The following SVEP1 variants were observed in gnomAD, a reference collection of about 807,000 sequenced individuals.
SVEP1 encodes sushi, von Willebrand factor type A, EGF and pentraxin domain-containing protein 1.
In SVEP1, 164 loss-of-function variants were observed where a neutral mutation model predicts 367.3. The ratio of observed to expected loss-of-function variants is 0.45; its 90% CI spans 0.39 to 0.51. The LOEUF (loss-of-function observed/expected upper bound fraction) is 0.51. Among genes scored for constraint, SVEP1 ranks in the 20% least tolerant of loss-of-function variants. The pLI, the probability that SVEP1 is intolerant of heterozygous loss-of-function variation, is 0.00. For missense variants in SVEP1, 4,117 were observed against 4,425.3 expected (o/e 0.93, Z 1.98); for synonymous variants, 1,666 against 1,611.6 (o/e 1.03, Z -0.81).
intron 5 of SVEP1, 126 bp downstream of exon 5, chr9:110,512,800 C>T (rs1829740730): frequency 5.4e-6 from 6 of 1,107,854 alleles, no homozygotes; most frequent in East Asian, 2.6e-5. Context: ...TATAATTTTT[C>T]TCTTTCTGTA....
chr9:110,509,189 C>T (rs752067527), intron 5 of SVEP1, among the ~76,000 whole-genome samples: 8 of 152,172 alleles, frequency 5.3e-5, no homozygotes, highest in Non-Finnish European at 1.2e-4. Context: ...GGGTTTGCTG[C>T]AACTGATTTT....
chr9:110,463,292 CAG>C (rs1326775349), intron 18 of SVEP1, among the ~76,000 whole-genome samples: 1 of 152,022 alleles, frequency 6.6e-6, no homozygotes, highest in East Asian at 1.9e-4. Flanking sequence ...TGAAAAATTT[CAG>C]ACTCTTGAGT....
At chr9:110,409,785 T>A (rs1329385892) in intron 37 of SVEP1, among the ~76,000 whole-genome samples, 3 of 152,178 alleles carry the variant, frequency 2.0e-5, no homozygotes, top group African/African-American at 7.2e-5. Flanking sequence ...ATCCTATCTT[T>A]TAAAACAAAA....
rs199985818 is a variant in SVEP1 at position 110,499,193 on chromosome 9, G to T, written c.1529C>A (p.Ser510Tyr). The change falls in exon 7 of 48, where the codon TCC (serine) becomes TAC (tyrosine). Residue 510 changes from serine to tyrosine, a missense_variant. Physicochemically the swap from Ser to Tyr is moderately radical, Grantham distance 144. Transcript: ENST00000374469. ...TFQMPKDVIISPHNCGKQPAK... is the reference protein window; with the variant it reads ...TFQMPKDVIIYPHNCGKQPAK... The stretch of plus-strand genomic sequence containing the variant: ...TGGCTGCTTGCCACAGTTGTGGGGG[G>T]ATATGATGACATCTTTGGGCATCTG... 2.5e-6 allele frequency: 4 copies of T among 1,613,200 alleles called. No individual in the cohort carries two copies. The highest frequency in any genetic ancestry group is 2.7e-5 in the African/African-American group (2 of 75,008).
intron 44 of SVEP1, 129 bp from the exon 45 acceptor site, chr9:110,377,495 G>A (rs1234109481): frequency 1.2e-5 from 9 of 756,774 alleles, no homozygotes; most frequent in Middle Eastern, 2.4e-4. Flanking sequence ...GACAAAAATC[G>A]AATCTCAGGA....
intron 1 of SVEP1, among the ~76,000 whole-genome samples, chr9:110,565,614 G>C (rs1320670421): frequency 6.6e-6 from 1 of 152,194 alleles, no homozygotes; most frequent in Non-Finnish European, 1.5e-5. Flanking sequence ...GCATCTGAGA[G>C]AGAGTGAAGT....
Position 110,406,487 on chromosome 9 carries a change from A to T in SVEP1, c.9113T>A (p.Leu3038His), listed in dbSNP as rs758748207. Residue 3038 changes from leucine to histidine, a missense_variant, in exon 38 of 48, where the codon CTC (leucine) becomes CAC (histidine). Physicochemically the swap from Leu to His is moderately conservative, Grantham distance 99. Around this residue, in one of 4 missense-constraint regions of SVEP1, gnomAD observed 1,765 missense variants for 1,781.1 expected, o/e 0.99. Coordinates refer to ENST00000374469, the MANE Select transcript of SVEP1 (RefSeq NM_153366.4). ...ARIQCFKGFKLLGLSEITCEA... is the reference protein window; with the variant it reads ...ARIQCFKGFKHLGLSEITCEA... ...ACAGGTGATTTCAGAAAGTCCTAGG[A>T]GCTTGAAGCCTTTGAAGCACTGAAT... 1.9e-6 allele frequency: 3 copies of T among 1,613,896 alleles called. No homozygotes were observed. In the South Asian group the frequency reaches 3.3e-5, roughly 18 times the overall value.
chr9:110,566,173 T>G (rs1002227145), intron 1 of SVEP1, among the ~76,000 whole-genome samples: 6 of 151,524 alleles, frequency 4.0e-5, no homozygotes, highest in Non-Finnish European at 8.8e-5. Context: ...ACAAAAAGAA[T>G]TAGCCAGGTG....
At chr9:110,374,359 A>T (rs1292470817) in intron 46 of SVEP1, among the ~76,000 whole-genome samples, 1 of 152,118 alleles carries the variant, frequency 6.6e-6, no homozygotes, top group Admixed American at 6.5e-5. Context: ...ACTAAAAAGT[A>T]AAAAAATAGG....
chr9:110,439,102 T>C (rs1828474845), intron 27 of SVEP1, among the ~76,000 whole-genome samples: 1 of 152,084 alleles, frequency 6.6e-6, no homozygotes, highest in African/African-American at 2.4e-5. Flanking sequence ...CCCGCCAAAT[T>C]TATATGTTGA....
At chr9:110,372,427 G>C (rs771548070) in intron 46 of SVEP1, among the ~76,000 whole-genome samples, 13 of 152,158 alleles carry the variant, frequency 8.5e-5, no homozygotes, top group Non-Finnish European at 1.5e-4. Flanking sequence ...ACTATGCTGA[G>C]GTAGCTGCTG....
chr9:110,366,711 T>C (rs1827206205), intron 47 of SVEP1, among the ~76,000 whole-genome samples, 151 bp from the exon 48 acceptor site: 1 of 152,204 alleles, frequency 6.6e-6, no homozygotes, highest in African/African-American at 2.4e-5. Context: ...GGGTCATTCT[T>C]TGAGATAACT....
intron 32 of SVEP1, 72 bp downstream of exon 32, chr9:110,431,843 A>G (rs1828353756): frequency 6.4e-7 from 1 of 1,573,342 alleles, no homozygotes. Context: ...CTTAGAAATA[A>G]CATACACTTA....
In SVEP1 at chr9:110,411,214, G is replaced by A. The variant is rs1828039235; in HGVS notation, c.6497C>T (p.Ala2166Val). The A allele has an allele frequency of 1.4e-5, 23 of 1,613,990 alleles. No individual in the cohort carries two copies. Among genetic ancestry groups the A allele is most frequent in the Non-Finnish European group, 1.9e-5 (23 of 1,179,878 alleles). ...YASGSNYSFGAMVAYSCNKGF... is the reference protein window; with the variant it reads ...YASGSNYSFGVMVAYSCNKGF... ...CTTGTTGCAGCTGTAAGCCACCATGGCTCCAAAACTGTAGTTTGATCCACT... is the reference window on the plus strand; with the variant it reads ...CTTGTTGCAGCTGTAAGCCACCATGACTCCAAAACTGTAGTTTGATCCACT... Residue 2166 changes from alanine to valine, a missense_variant, in exon 37 of 48, where the codon GCC becomes GTC. Transcript: ENST00000374469.
At chr9:110,453,518 T>A (rs2118620214) in intron 22 of SVEP1, among the ~76,000 whole-genome samples, 1 of 152,212 alleles carries the variant, frequency 6.6e-6, no homozygotes, top group African/African-American at 2.4e-5. Context: ...AGTATATAAG[T>A]GATCCATGTT....
chr9:110,473,186 T>C (rs1235799721), intron 14 of SVEP1, among the ~76,000 whole-genome samples: 1 of 152,244 alleles, frequency 6.6e-6, no homozygotes, highest in Non-Finnish European at 1.5e-5. Flanking sequence ...CTTAAGTAAA[T>C]TGTTTTGTGA....
intron 1 of SVEP1, among the ~76,000 whole-genome samples, chr9:110,574,204 A>T (rs1830599819): frequency 6.6e-6 from 1 of 152,254 alleles, no homozygotes; most frequent in South Asian, 2.1e-4. Context: ...GAGGAATAAG[A>T]TGTCTGACTG....
At chr9:110,513,246 C>A in intron 4 of SVEP1, 141 bp from the exon 5 acceptor site, 1 of 797,732 alleles carries the variant, frequency 1.3e-6, no homozygotes, top group Non-Finnish European at 1.9e-6. Flanking sequence ...TTTGGATTTT[C>A]AAGTACATAT....
At chr9:110,390,335 A>T (rs796517208) in intron 40 of SVEP1, among the ~76,000 whole-genome samples, 8 of 7,984 alleles carry the variant, frequency 1.0e-3, no homozygotes, top group African/African-American at 7.3e-3. Flanking sequence ...TTATATATAC[A>T]CATACTTATA....
Sources: gnomAD v4.1 joint callset for allele counts (sites outside exome capture counted in the v4.1 genomes callset) on GRCh38, gnomAD v4.1.1 for gene constraint, gnomAD v4.1.1 regional missense constraint, MANE v1.5 for transcripts, NCBI Gene and HGNC (gene_info 2026-07-23, HGNC 2026-07-21) for gene names.